The following DGLUCY variants were observed in gnomAD, a reference collection of about 807,000 sequenced individuals.
DGLUCY encodes the protein D-glutamate cyclase, mitochondrial.
In DGLUCY, 58 loss-of-function variants were observed where a neutral mutation model predicts 58.5. The observed-to-expected ratio is 0.99, with a 90% CI of 0.80 to 1.23. The LOEUF is 1.23. Among genes scored for constraint, DGLUCY ranks in the 50% most tolerant of loss-of-function variants. The pLI is 0.00. For synonymous variants in DGLUCY, 325 were observed against 314.1 expected (o/e 1.03, Z -0.37); for missense variants, 779 against 784.7 (o/e 0.99, Z 0.09).
chr14:91,100,053 C>A (rs2044459898), intron 1 of DGLUCY, among the ~76,000 whole-genome samples: 1 of 90,420 alleles, frequency 1.1e-5, no homozygotes. Flanking sequence ...GAAACTCTGT[C>A]TCAAAAAAAA....
At chr14:91,190,277 G>T (rs575210565) in intron 9 of DGLUCY, among the ~76,000 whole-genome samples, 187 of 152,204 alleles carry the variant, frequency 1.2e-3, no homozygotes, top group Non-Finnish European at 2.3e-3. Context: ...GTGAGCCACC[G>T]CGCCCGGCCT....
At chr14:91,139,380 A>G (rs137912115) in intron 1 of DGLUCY, among the ~76,000 whole-genome samples, 6 of 152,234 alleles carry the variant, frequency 3.9e-5, no homozygotes, top group African/African-American at 1.4e-4. Flanking sequence ...AAACACCCTC[A>G]CAGATGTACC....
chr14:91,169,884 C>CA, intron 4 of DGLUCY, 119 bp from the exon 5 acceptor site: 1 of 1,057,344 alleles, frequency 9.5e-7, no homozygotes, highest in Non-Finnish European at 1.4e-6. Context: ...ACCCTGGTGC[C>CA]AGGGCTGAAA....
At chr14:91,184,555 G>C (rs1446029962) in intron 8 of DGLUCY, among the ~76,000 whole-genome samples, 3 of 112,010 alleles carry the variant, frequency 2.7e-5, no homozygotes, top group African/African-American at 1.2e-4. Flanking sequence ...CCCTGTGAAA[G>C]AAAGAAAGAA....
At chr14:91,146,443 C>T (rs2047017083) in intron 1 of DGLUCY, among the ~76,000 whole-genome samples, 1 of 152,206 alleles carries the variant, frequency 6.6e-6, no homozygotes, top group Admixed American at 6.5e-5. Flanking sequence ...GGTCCTTCCT[C>T]GGGGCATCTA....
At chr14:91,166,082 C>T (rs1039145093) in intron 3 of DGLUCY, among the ~76,000 whole-genome samples, 3 of 152,150 alleles carry the variant, frequency 2.0e-5, no homozygotes, top group African/African-American at 7.2e-5. Context: ...ACTTAAAAGA[C>T]ACATAGTGTA....
chr14:91,206,231 G>T (rs10083403), intron 12 of DGLUCY, among the ~76,000 whole-genome samples: 2 of 151,810 alleles, frequency 1.3e-5, no homozygotes, highest in Non-Finnish European at 2.9e-5. Context: ...TGCCACGTAA[G>T]GGGGAGAGGA....
rs1039391377 is a variant in DGLUCY, at chr14:91,189,017, T to A, written c.1042T>A (p.Phe348Ile). 1.9e-5 allele frequency: 31 copies of A among 1,614,032 alleles called. No individual in the cohort carries two copies. The highest frequency in any genetic ancestry group is 2.6e-5 in the Non-Finnish European group (31 of 1,180,032). Residue 348 changes from phenylalanine (F) to isoleucine (I), a missense_variant, in exon 9 of 14, where the codon TTC becomes ATC. By Grantham distance (21) the Phe-to-Ile change is conservative. Coordinates refer to ENST00000256324, the MANE Select transcript of DGLUCY (RefSeq NM_001102368.3). The stretch of plus-strand genomic sequence containing the variant: ...CATCACCACTGGGTTCCCCACACAT[T>A]TCAATCATGAGCCTCCAGAAGAGAC... ...VLITTGFPTH[F>I]NHEPPEETDG...
chr14:91,099,233 A>G (rs773021168), intron 1 of DGLUCY, among the ~76,000 whole-genome samples: 13 of 152,300 alleles, frequency 8.5e-5, no homozygotes, highest in Admixed American at 2.6e-4. Flanking sequence ...AAACACTTTT[A>G]AACAAATGCC....
chr14:91,076,369 A>G (rs796791478), intron 1 of DGLUCY, among the ~76,000 whole-genome samples: 37 of 152,326 alleles, frequency 2.4e-4, no homozygotes, highest in African/African-American at 8.9e-4. Context: ...TCTCTAGGCT[A>G]CTTATAATAC....
exon 1 of DGLUCY, chr14:91,060,498 G>A: frequency 1.6e-6 from 2 of 1,282,306 alleles, no homozygotes; most frequent in Non-Finnish European, 2.0e-6. Flanking sequence ...GCGGACGCCC[G>A]TCCCCTCGCA....
intron 1 of DGLUCY, among the ~76,000 whole-genome samples, chr14:91,127,718 G>A (rs2045790047): frequency 6.6e-6 from 1 of 152,220 alleles, no homozygotes; most frequent in African/African-American, 2.4e-5. Flanking sequence ...CCTGGGGCAG[G>A]GAATCTGACT....
At chr14:91,103,222 C>T (rs1378243534), upstream of DGLUCY, among the ~76,000 whole-genome samples, 1 of 152,180 alleles carries the variant, frequency 6.6e-6, no homozygotes. Context: ...GCACTCCATG[C>T]TGCTCCCAGA....
At position 91,066,871 on chromosome 14, in the gene DGLUCY, G is replaced by A. The variant is rs964374436; in HGVS notation, c.-82+6167G>A. Among the ~76,000 whole-genome samples, 14 of 151,784 alleles carry A rather than the reference G, an allele frequency of 9.2e-5. 1 individual carries two copies. The highest frequency in any genetic ancestry group is 3.3e-4 in the Admixed American group (5 of 15,238). On this transcript the variant is annotated intron_variant, in intron 1 of 4. Coordinates refer to the DGLUCY transcript ENST00000521334. ...CGAGGCGGGTGGATCACGAGGTCAG[G>A]AGATCGAGACCATCCTGGCTAACAC...
At chr14:91,072,340 A>G (rs1415789175) in intron 1 of DGLUCY, among the ~76,000 whole-genome samples, 1 of 150,968 alleles carries the variant, frequency 6.6e-6, no homozygotes, top group African/African-American at 2.4e-5. Flanking sequence ...AAAAAAAAGA[A>G]CTCCATGAAC....
intron 4 of DGLUCY, 37 bp from the exon 5 acceptor site, chr14:91,169,966 G>A (rs2048483204): frequency 6.3e-7 from 1 of 1,584,936 alleles, no homozygotes; most frequent in African/African-American, 1.3e-5. Flanking sequence ...CACAGTGAGA[G>A]TCTGGGGCCC....
At chr14:91,141,205 G>T (rs2046648132) in intron 1 of DGLUCY, among the ~76,000 whole-genome samples, 1 of 151,972 alleles carries the variant, frequency 6.6e-6, no homozygotes, top group South Asian at 2.1e-4. Flanking sequence ...GGCCAACATG[G>T]TGAATCCCTG....
chr14:91,224,850 T>C lies in DGLUCY; in HGVS notation c.*17T>C, dbSNP rs1343215400. 6.3e-7 allele frequency: 1 copy of C among 1,586,038 alleles called. No homozygotes were observed. The stretch of plus-strand genomic sequence containing the variant: ...CAGGTGTAACCGTCCATGTTCCGTG[T>C]GAGCAGAGTCCCTACCAACGGGCAG... On this transcript the variant is annotated 3_prime_UTR_variant, in exon 14 of 14. Transcript: ENST00000256324.
chr14:91,075,467 G>C (rs2044004600), intron 1 of DGLUCY, among the ~76,000 whole-genome samples: 1 of 152,070 alleles, frequency 6.6e-6, no homozygotes, highest in Non-Finnish European at 1.5e-5. Context: ...TAATTAATAA[G>C]AGCCCTTGTT....
Sources: gnomAD v4.1 joint callset for allele counts (sites outside exome capture counted in the v4.1 genomes callset) on GRCh38, gnomAD v4.1.1 for gene constraint, MANE v1.5 for transcripts, NCBI Gene and HGNC (gene_info 2026-07-23, HGNC 2026-07-21) for gene names.